Variants in PELI2 observed in about 807,000 individuals in gnomAD.
PELI2 encodes pellino E3 ubiquitin protein ligase family member 2.
Under a neutral mutation model 42.3 loss-of-function variants are expected in PELI2, and 23 were observed. The ratio of observed to expected loss-of-function variants is 0.54; its 90% CI spans 0.39 to 0.77. The LOEUF (loss-of-function observed/expected upper bound fraction) is 0.77. PELI2 is among the 30% of genes least tolerant of loss of function. The probability of loss-of-function intolerance (pLI) is 0.00; values close to 1 mark genes in which losing one functional copy is unlikely to be tolerated. For synonymous variants in PELI2, 245 were observed against 212.2 expected, an observed-to-expected ratio of 1.15 and a Z score of -1.34; for missense variants, 463 against 553.2, an observed-to-expected ratio of 0.84 and a Z score of 1.64.
At chr14:56,204,197 T>A (rs1278965946) in intron 2 of PELI2, among the ~76,000 whole-genome samples, 1 of 152,170 alleles carries the variant, frequency 6.6e-6, no homozygotes, top group Non-Finnish European at 1.5e-5. Flanking sequence ...TGATTAAAGA[T>A]CTCAAAGTTG....
chr14:56,247,905 T>G (rs888733000), intron 2 of PELI2, among the ~76,000 whole-genome samples: 4 of 152,202 alleles, frequency 2.6e-5, no homozygotes, highest in African/African-American at 9.7e-5. Context: ...ATATTCTATA[T>G]TTGGAGAAAC....
chr14:56,195,633 A>T (rs1470523875), intron 2 of PELI2, among the ~76,000 whole-genome samples: 1 of 152,190 alleles, frequency 6.6e-6, no homozygotes, highest in African/African-American at 2.4e-5. Flanking sequence ...ACAGGTGGGG[A>T]TACCTTTCCT....
At chr14:56,247,117 G>A (rs1443271200) in intron 2 of PELI2, among the ~76,000 whole-genome samples, 3 of 151,884 alleles carry the variant, frequency 2.0e-5, no homozygotes, top group Non-Finnish European at 4.4e-5. Context: ...CTGGTACACA[G>A]CAAGTGCTCA....
intron 2 of PELI2, among the ~76,000 whole-genome samples, chr14:56,210,073 A>T (rs1886658908): frequency 6.6e-6 from 1 of 152,180 alleles, no homozygotes; most frequent in African/African-American, 2.4e-5. Context: ...TTAATGTCAA[A>T]TTTCTTTAGT....
At chr14:56,232,739 C>G (rs7145773) in intron 2 of PELI2, among the ~76,000 whole-genome samples, 79,989 of 112,886 alleles carry the variant, frequency 0.71, 30,790 homozygotes, top group African/African-American at 0.86. Flanking sequence ...ATTCAACATA[C>G]TGTTGGAAGT....
intron 1 of PELI2, among the ~76,000 whole-genome samples, chr14:56,134,048 C>G (rs759867119): frequency 1.3e-5 from 2 of 151,966 alleles, no homozygotes; most frequent in East Asian, 1.9e-4. Context: ...ATTTATATTT[C>G]TTTATAAAGA....
chr14:56,119,284 G>A (rs1309907758), intron 1 of PELI2: 1 of 152,136 alleles, frequency 6.6e-6, no homozygotes, highest in Admixed American at 6.5e-5. Context: ...CCCCGGCTGC[G>A]CTTTGCAAAT....
At chr14:56,196,135 A>G (rs1344263010) in intron 2 of PELI2, among the ~76,000 whole-genome samples, 1 of 152,222 alleles carries the variant, frequency 6.6e-6, no homozygotes, top group Non-Finnish European at 1.5e-5. Flanking sequence ...TACATTGTAT[A>G]AATAGGATTA....
chr14:56,200,142 A>G (rs1886280240), intron 2 of PELI2, among the ~76,000 whole-genome samples: 1 of 57,418 alleles, frequency 1.7e-5, no homozygotes, highest in Non-Finnish European at 4.8e-5. Context: ...TTCATTTTCA[A>G]ATATTTGTAG....
chr14:56,197,973 C>CAT lies in PELI2; in HGVS notation c.207+19510_207+19511insTA, dbSNP rs1409108311. Among the ~76,000 whole-genome samples the CAT allele has an allele frequency of 3.7e-5, 1 of 26,782 alleles. No individual in the cohort carries two copies. The allele number at this position is 26,782 out of a possible 152,430, so 17.6% of individuals were successfully genotyped here. ...CCAGGGATCATGACTGGTGAAGACA[C>CAT]ACACACACACACACACACACACACA... On this transcript the variant is annotated intron_variant, in intron 2 of 5. Coordinates refer to ENST00000267460, the MANE Select transcript of PELI2 (RefSeq NM_021255.3). The surrounding 1 kb of genome is among the most constrained non-coding windows in gnomAD (Gnocchi z 4.9).
intron 2 of PELI2, among the ~76,000 whole-genome samples, chr14:56,227,947 A>T (rs1461778315): frequency 6.6e-6 from 1 of 152,268 alleles, no homozygotes; most frequent in Non-Finnish European, 1.5e-5. Flanking sequence ...AAAAAAATGC[A>T]GATTCAAACT....
intron 1 of PELI2, among the ~76,000 whole-genome samples, chr14:56,127,642 C>G (rs998028696): frequency 6.6e-6 from 1 of 152,174 alleles, no homozygotes; most frequent in Non-Finnish European, 1.5e-5. Flanking sequence ...GCACAGCACT[C>G]AGGGTTGGGA....
At chr14:56,255,298 A>G (rs1888488285) in intron 2 of PELI2, among the ~76,000 whole-genome samples, 1 of 152,250 alleles carries the variant, frequency 6.6e-6, no homozygotes, top group Non-Finnish European at 1.5e-5. Flanking sequence ...ATAGAATACT[A>G]TGCAGCCATA....
At chr14:56,199,343 A>C (rs889531610) in intron 2 of PELI2, among the ~76,000 whole-genome samples, 1 of 152,168 alleles carries the variant, frequency 6.6e-6, no homozygotes, top group African/African-American at 2.4e-5. Context: ...TTGTTTATAC[A>C]AGAGACGGTC....
At chr14:56,295,955 C>T (rs1889985579) in intron 5 of PELI2, among the ~76,000 whole-genome samples, 2 of 152,252 alleles carry the variant, frequency 1.3e-5, no homozygotes, top group South Asian at 2.1e-4. Flanking sequence ...GCAGCGGTCA[C>T]GTTCTTGCTG....
chr14:56,169,659 G>A (rs1885097310), intron 1 of PELI2, among the ~76,000 whole-genome samples: 1 of 152,150 alleles, frequency 6.6e-6, no homozygotes, highest in Non-Finnish European at 1.5e-5. Flanking sequence ...TATTATCAGT[G>A]CTTACTTGAT....
At chr14:56,194,892 T>A (rs1342640564) in intron 2 of PELI2, among the ~76,000 whole-genome samples, 4 of 152,202 alleles carry the variant, frequency 2.6e-5, no homozygotes. Flanking sequence ...GTCTTTTATG[T>A]AAGTGAAAAT....
At chr14:56,192,051 C>T (rs570173666) in intron 2 of PELI2, among the ~76,000 whole-genome samples, 17 of 152,294 alleles carry the variant, frequency 1.1e-4, no homozygotes, top group South Asian at 4.1e-4. Context: ...GACCGGGTTT[C>T]GCCATGTTGG....
At chr14:56,167,078 C>T (rs192942335) in intron 1 of PELI2, among the ~76,000 whole-genome samples, 6 of 152,218 alleles carry the variant, frequency 3.9e-5, no homozygotes, top group Admixed American at 1.3e-4. Flanking sequence ...CGTGAGCCAC[C>T]GCGCCTGGCC....
Sources: allele counts gnomAD v4.1 joint callset (sites outside exome capture counted in the v4.1 genomes callset), GRCh38; gene constraint gnomAD v4.1.1; non-coding constraint Gnocchi (gnomAD v3.1); transcripts MANE v1.5; gene names NCBI Gene and HGNC (gene_info 2026-07-23, HGNC 2026-07-21).